The following EEF1AKMT2 variants were observed in gnomAD, a reference collection of about 807,000 sequenced individuals.
EEF1AKMT2 encodes the protein eukaryotic translation elongation factor 1 alpha lysine methyltransferase 2.
Under a neutral mutation model 35.8 loss-of-function variants are expected in EEF1AKMT2, and 32 were observed. The ratio of observed to expected loss-of-function variants is 0.89; its 90% CI spans 0.67 to 1.20. The LOEUF (loss-of-function observed/expected upper bound fraction) is 1.20, where lower values mean the gene tolerates loss of function less well. EEF1AKMT2 is among the 50% of genes most tolerant of loss of function. EEF1AKMT2 has a pLI of 0.00. For missense variants in EEF1AKMT2, 330 were observed against 347.5 expected (o/e 0.95, Z 0.40); for synonymous variants, 121 against 133.7 (o/e 0.91, Z 0.65).
rs146226604 is a variant in EEF1AKMT2 at position 124,780,195 on chromosome 10, T to C, written c.292-5413A>G. ...CATAGACAATATGCAAATGAATAAA[T>C]GTGGCTGTATTCCAACAAATATTTA... On this transcript the variant is annotated intron_variant, in intron 3 of 6. Transcript: ENST00000368836. 2.8e-3 allele frequency among the ~76,000 whole-genome samples: 432 copies of C among 152,300 alleles called. 2 individuals carry two copies. Among genetic ancestry groups the C allele is most frequent in the African/African-American group, 0.01 (422 of 41,578 alleles).
At chr10:124,788,846 A>T (rs2134146210) in intron 3 of EEF1AKMT2, among the ~76,000 whole-genome samples, 197 bp downstream of exon 3, 1 of 151,848 alleles carries the variant, frequency 6.6e-6, no homozygotes. Flanking sequence ...GACTATAGCC[A>T]AAAGAGTCAA....
chr10:124,786,047 A>G (rs908725486), intron 3 of EEF1AKMT2, among the ~76,000 whole-genome samples: 4 of 152,202 alleles, frequency 2.6e-5, no homozygotes, highest in African/African-American at 4.8e-5. Flanking sequence ...ATATGATGAT[A>G]GAAGTGACAG....
In EEF1AKMT2 at chr10:124,790,151, C is replaced by A. The variant is rs183291422; in HGVS notation, c.176+122G>T. On this transcript the variant is annotated intron_variant, in intron 2 of 6. Transcript: ENST00000368836. ...CTCGTGATCTGCCTGCCTCGGCCTCCCAAAGTGCTGGGATTACAGGCGTAA... is the reference window on the plus strand; with the variant it reads ...CTCGTGATCTGCCTGCCTCGGCCTCACAAAGTGCTGGGATTACAGGCGTAA... The A allele has an allele frequency of 3.1e-3, 2,144 of 701,300 alleles. 10 individuals carry two copies. Among genetic ancestry groups the A allele is most frequent in the Non-Finnish European group, 4.1e-3 (1,603 of 393,396 alleles). The allele number at this position is 701,300 out of a possible 1,614,324, so 43.4% of individuals were successfully genotyped here.
rs1407909001 is a variant in EEF1AKMT2 at position 124,758,537 on chromosome 10, T to C, written c.*1966A>G. On this transcript the variant is annotated 3_prime_UTR_variant, in exon 7 of 7. Coordinates refer to ENST00000368836, the MANE Select transcript of EEF1AKMT2 (RefSeq NM_212554.4). ...AAAAAAAAAAGAAAACCTTCACCTT[T>C]GCAAATGGCACTAACATGCCCCAAA... 6.6e-6 allele frequency: 1 copy of C among 151,686 alleles called. No homozygotes were observed. Among genetic ancestry groups the C allele is most frequent in the African/African-American group, 2.4e-5 (1 of 41,356 alleles). 9.4% of individuals were successfully genotyped at this position (151,686 alleles called of 1,614,324 possible).
chr10:124,760,529 T>C, intron 6 of EEF1AKMT2, 26 bp from the exon 7 acceptor site: 1 of 1,575,758 alleles, frequency 6.3e-7, no homozygotes, highest in Middle Eastern at 1.7e-4. Flanking sequence ...TAAATACTTT[T>C]ATTAAGAATT....
chr10:124,779,763 A>C (rs1400588099), intron 3 of EEF1AKMT2, among the ~76,000 whole-genome samples: 1 of 143,526 alleles, frequency 7.0e-6, no homozygotes, highest in African/African-American at 2.6e-5. Context: ...AAAAAAAAAA[A>C]AAAAAAAGAA....
intron 1 of EEF1AKMT2, among the ~76,000 whole-genome samples, chr10:124,790,691 C>T (rs187600904): frequency 4.3e-4 from 65 of 152,356 alleles, no homozygotes; most frequent in African/African-American, 1.5e-3. Flanking sequence ...AGTGTGCAGG[C>T]ACACAGTCTC....
At position 124,782,581 on chromosome 10, in the gene EEF1AKMT2, C is replaced by CA. The variant is rs34882125; in HGVS notation, c.291+6461dup. Among the ~76,000 whole-genome samples the CA allele has an allele frequency of 5.0e-3, 309 of 62,304 alleles. 4 individuals are homozygous for CA. Among genetic ancestry groups the CA allele is most frequent in the South Asian group, 0.011 (18 of 1,630 alleles). The allele number at this position is 62,304 out of a possible 152,430, so 40.9% of individuals were successfully genotyped here. ...TGGGCGACAGAGCGAGACTCCGTCTCAAAAAAAAAAAAAAAAAAAAAAGAG... is the reference window on the plus strand; with the variant it reads ...TGGGCGACAGAGCGAGACTCCGTCTCAAAAAAAAAAAAAAAAAAAAAAAGAG... On this transcript the variant is annotated intron_variant, in intron 3 of 6. Transcript: ENST00000368836.
chr10:124,782,443 G>C (rs927968673), intron 3 of EEF1AKMT2, among the ~76,000 whole-genome samples: 1 of 151,696 alleles, frequency 6.6e-6, no homozygotes, highest in African/African-American at 2.4e-5. Context: ...TTAGCCGGGC[G>C]TGGTAGCGGG....
chr10:124,785,833 T>G (rs534324913), intron 3 of EEF1AKMT2, among the ~76,000 whole-genome samples: 1 of 144,816 alleles, frequency 6.9e-6, no homozygotes, highest in Non-Finnish European at 1.5e-5. Flanking sequence ...CAGGTGGAGG[T>G]TGCAGTGAGC....
intron 3 of EEF1AKMT2, among the ~76,000 whole-genome samples, chr10:124,779,932 G>C (rs1015508275): frequency 6.6e-6 from 1 of 151,572 alleles, no homozygotes; most frequent in Non-Finnish European, 1.5e-5. Flanking sequence ...GCGTGGTGGC[G>C]GGCACATGTA....
In EEF1AKMT2 at chr10:124,759,358, A is replaced by C. The variant is rs1457332555; in HGVS notation, c.*1145T>G. On this transcript the variant is annotated 3_prime_UTR_variant, in exon 7 of 7. Coordinates refer to ENST00000368836, the MANE Select transcript of EEF1AKMT2 (RefSeq NM_212554.4). ...TCTTAATAGAGGCAAGTCTTTGAGT[A>C]GGGAGATGGGGAAAAGTAATGAAGG... 6.6e-6 allele frequency: 1 copy of C among 152,194 alleles called. No individual in the cohort carries two copies. The highest frequency in any genetic ancestry group is 1.5e-5 in the Non-Finnish European group (1 of 68,038). 9.4% of individuals were successfully genotyped at this position (152,194 alleles called of 1,614,324 possible).
At chr10:124,771,505 A>T (rs921335857) in intron 4 of EEF1AKMT2, among the ~76,000 whole-genome samples, 2 of 152,178 alleles carry the variant, frequency 1.3e-5, no homozygotes, top group African/African-American at 4.8e-5. Context: ...CACATTTAAG[A>T]CTGTAAAGTC....
intron 4 of EEF1AKMT2, among the ~76,000 whole-genome samples, chr10:124,768,380 A>G (rs901044296): frequency 2.0e-5 from 3 of 152,098 alleles, no homozygotes; most frequent in Non-Finnish European, 4.4e-5. Context: ...AGGCCAAGGT[A>G]GGTGGATCTC....
intron 4 of EEF1AKMT2, among the ~76,000 whole-genome samples, chr10:124,772,369 T>C (rs1395621774): frequency 1.3e-5 from 2 of 152,074 alleles, no homozygotes; most frequent in Non-Finnish European, 2.9e-5. Context: ...CATCAGTACT[T>C]AGTGCTTTAT....
At chr10:124,782,904 C>A in intron 3 of EEF1AKMT2, 1 of 384,090 alleles carries the variant, frequency 2.6e-6, no homozygotes, top group Non-Finnish European at 5.1e-6. Context: ...CATAAATGTT[C>A]TAAATACACC....
chr10:124,766,002 T>C (rs1480849332), intron 4 of EEF1AKMT2, among the ~76,000 whole-genome samples: 1 of 152,180 alleles, frequency 6.6e-6, no homozygotes, highest in East Asian at 1.9e-4. Flanking sequence ...TCACTGGAAA[T>C]AAGATTTCTT....
At chr10:124,791,691 G>T in intron 1 of EEF1AKMT2, 33 bp downstream of exon 1, 1 of 1,552,912 alleles carries the variant, frequency 6.4e-7, no homozygotes, top group Non-Finnish European at 8.7e-7. Flanking sequence ...AGGGCGGCAC[G>T]GCTCATCCTC....
In EEF1AKMT2 at chr10:124,758,047, G is replaced by A. The variant is rs964847698; in HGVS notation, c.*2456C>T. On this transcript the variant is annotated 3_prime_UTR_variant, in exon 7 of 7. Transcript: ENST00000368836. ...CACGCACTTCCTACACACAGAAGTGGCCTGTTATGCAGCAATAATCATAGT... is the reference window on the plus strand; with the variant it reads ...CACGCACTTCCTACACACAGAAGTGACCTGTTATGCAGCAATAATCATAGT... 3 of 152,164 alleles carry A rather than the reference G, an allele frequency of 2.0e-5. No homozygotes were observed. Among genetic ancestry groups the A allele is most frequent in the Non-Finnish European group, 2.9e-5 (2 of 68,018 alleles). The allele number at this position is 152,164 out of a possible 1,614,324, so 9.4% of individuals were successfully genotyped here. A position where few individuals can be genotyped will look rare whatever the true frequency, so the allele number is the denominator to read the frequency against.
Sources: gnomAD v4.1 joint callset for allele counts (sites outside exome capture counted in the v4.1 genomes callset) on GRCh38, gnomAD v4.1.1 for gene constraint, MANE v1.5 for transcripts, NCBI Gene and HGNC (gene_info 2026-07-23, HGNC 2026-07-21) for gene names.